Variants in GRID2 observed in about 807,000 individuals in gnomAD.
The protein encoded by GRID2 is glutamate ionotropic receptor delta type subunit 2.
GRID2 carries 33 observed loss-of-function variants against 114.8 expected under a neutral mutation model. That is an observed-to-expected ratio of 0.29 (90% CI 0.22 to 0.38). The LOEUF (loss-of-function observed/expected upper bound fraction) is 0.38, where lower values mean the gene tolerates loss of function less well. Among genes scored for constraint, GRID2 ranks in the 10% least tolerant of loss-of-function variants. The pLI, the probability that GRID2 is intolerant of heterozygous loss-of-function variation, is 1.00. For missense variants in GRID2, 1,184 were observed against 1,257.7 expected (o/e 0.94, Z 0.89); for synonymous variants, 505 against 449.9 (o/e 1.12, Z -1.55).
chr4:93,050,318 A>G (rs905649647), intron 2 of GRID2, among the ~76,000 whole-genome samples: 5 of 152,068 alleles, frequency 3.3e-5, no homozygotes, highest in Admixed American at 1.3e-4. Context: ...GCAGAGAGTC[A>G]TTGACTGAAA....
intron 14 of GRID2, among the ~76,000 whole-genome samples, chr4:93,674,529 C>T (rs1487990766): frequency 6.6e-6 from 1 of 151,806 alleles, no homozygotes; most frequent in African/African-American, 2.4e-5. Flanking sequence ...CATTTCATTC[C>T]CTGTTTTGAT....
At chr4:92,729,046 TG>T (rs879603544) in intron 2 of GRID2, among the ~76,000 whole-genome samples, 7 of 152,004 alleles carry the variant, frequency 4.6e-5, no homozygotes, top group South Asian at 2.1e-4. Context: ...CAGTGATTGT[TG>T]GGGGGTTTTC....
intron 2 of GRID2, among the ~76,000 whole-genome samples, chr4:92,603,086 G>A (rs1055441164): frequency 2.0e-5 from 3 of 152,076 alleles, no homozygotes; most frequent in Admixed American, 6.6e-5. Context: ...CCATGCTCAT[G>A]GATAGGAATA....
At chr4:93,704,436 T>C (rs1727809467) in intron 14 of GRID2, among the ~76,000 whole-genome samples, 1 of 152,094 alleles carries the variant, frequency 6.6e-6, no homozygotes, top group African/African-American at 2.4e-5. Flanking sequence ...TTTTCTCCCA[T>C]TCTGTAGGTT....
rs137990064 is a variant in GRID2, at chr4:92,559,989, A to C, written c.89-30142A>C. On this transcript the variant is annotated intron_variant, in intron 1 of 15. Transcript: ENST00000282020. ...TAATTTTTAATTTACTCTGAAAGGC[A>C]TTTTCTTTACATTTTCCTAACATCT... Among the ~76,000 whole-genome samples the C allele has an allele frequency of 2.0e-3, 310 of 152,270 alleles. 1 individual carries two copies. Among genetic ancestry groups the C allele is most frequent in the African/African-American group, 7.1e-3 (297 of 41,554 alleles).
At chr4:92,465,057 G>T in intron 1 of GRID2, among the ~76,000 whole-genome samples, 1 of 152,058 alleles carries the variant, frequency 6.6e-6, no homozygotes, top group East Asian at 1.9e-4. Context: ...ATAACTGAAA[G>T]TTTCCTGAGG....
At chr4:93,321,037 C>T (rs888937673) in intron 8 of GRID2, among the ~76,000 whole-genome samples, 2 of 151,958 alleles carry the variant, frequency 1.3e-5, no homozygotes, top group African/African-American at 2.4e-5. Context: ...TCATAGTTGC[C>T]CCAAATTGGG....
chr4:92,324,585 A>G (rs1462346328), intron 1 of GRID2, among the ~76,000 whole-genome samples: 1 of 135,802 alleles, frequency 7.4e-6, no homozygotes, highest in Non-Finnish European at 1.6e-5. Flanking sequence ...ATATACACAT[A>G]CATACATACA....
intron 2 of GRID2, among the ~76,000 whole-genome samples, chr4:92,859,819 A>G (rs577611270): frequency 1.3e-5 from 2 of 152,118 alleles, no homozygotes; most frequent in Non-Finnish European, 2.9e-5. Context: ...CCTAGAGTAG[A>G]GTTTCTCAGT....
intron 14 of GRID2, among the ~76,000 whole-genome samples, chr4:93,724,671 G>A (rs190767636): frequency 1.3e-5 from 2 of 152,244 alleles, no homozygotes; most frequent in African/African-American, 2.4e-5. Flanking sequence ...ATAAGAGACC[G>A]AGAGAGGAAT....
At chr4:93,411,338 A>G (rs1767109030) in intron 9 of GRID2, among the ~76,000 whole-genome samples, 1 of 152,076 alleles carries the variant, frequency 6.6e-6, no homozygotes. Context: ...TTCAATTTCA[A>G]ACATGTACAC....
chr4:92,915,534 G>A (rs1278122039), intron 2 of GRID2, among the ~76,000 whole-genome samples: 3 of 152,060 alleles, frequency 2.0e-5, no homozygotes, highest in Admixed American at 6.6e-5. Flanking sequence ...TTCAAGATGA[G>A]GTTTTGGGTG....
chr4:92,957,527 A>C (rs1752499664), intron 2 of GRID2, among the ~76,000 whole-genome samples: 1 of 152,058 alleles, frequency 6.6e-6, no homozygotes, highest in African/African-American at 2.4e-5. Context: ...TTCTCTTACC[A>C]ATACCACACT....
At chr4:92,663,291 AAC>A (rs1043406598) in intron 2 of GRID2, among the ~76,000 whole-genome samples, 5 of 151,174 alleles carry the variant, frequency 3.3e-5, no homozygotes, top group Admixed American at 2.0e-4. Context: ...GGCATTAATA[AAC>A]ACTGGAAAAA....
chr4:92,611,270 A>G (rs770725777), intron 2 of GRID2, among the ~76,000 whole-genome samples: 4 of 151,442 alleles, frequency 2.6e-5, no homozygotes, highest in Non-Finnish European at 5.9e-5. Context: ...TCCAAGATCA[A>G]GGTGCCAGCC....
intron 3 of GRID2, 27 bp from the exon 4 acceptor site, chr4:93,110,721 A>G (rs887685760): frequency 6.8e-7 from 1 of 1,472,542 alleles, no homozygotes; most frequent in Non-Finnish European, 9.5e-7. Context: ...ATTCACAGGT[A>G]TTTTGATGGG....
In GRID2 at chr4:93,769,408, G is replaced by T; in HGVS notation, c.2559G>T (p.Thr853=). The T allele has an allele frequency of 1.2e-6, 2 of 1,613,918 alleles. No individual in the cohort carries two copies. Among genetic ancestry groups the T allele is most frequent in the Non-Finnish European group, 1.7e-6 (2 of 1,179,862 alleles). ...VLSCFIAMLE[T]WWNKRKGSRV... ...CCTGCTTCATAGCCATGCTGGAGACGTGGTGGAACAAGAGGAAAGGCTCCC... is the reference window on the plus strand; with the variant it reads ...CCTGCTTCATAGCCATGCTGGAGACTTGGTGGAACAAGAGGAAAGGCTCCC... Residue 853 remains threonine (T), a synonymous_variant, in exon 15 of 16, where the codon ACG becomes ACT. Transcript: ENST00000282020.
At chr4:93,106,297 A>G (rs1447167046) in intron 3 of GRID2, among the ~76,000 whole-genome samples, 1 of 152,130 alleles carries the variant, frequency 6.6e-6, no homozygotes, top group East Asian at 1.9e-4. Flanking sequence ...AATGATTGTG[A>G]TGTGTGATGA....
intron 14 of GRID2, among the ~76,000 whole-genome samples, chr4:93,727,411 C>T (rs1179807970): frequency 2.0e-5 from 3 of 152,122 alleles, no homozygotes; most frequent in Non-Finnish European, 4.4e-5. Context: ...AGGATTTTTG[C>T]ATCAATGTTC....
Sources: gnomAD v4.1 joint callset for allele counts (sites outside exome capture counted in the v4.1 genomes callset) on GRCh38, gnomAD v4.1.1 for gene constraint, MANE v1.5 for transcripts, NCBI Gene and HGNC (gene_info 2026-07-23, HGNC 2026-07-21) for gene names.